The following PEX14 variants were observed in gnomAD, a reference collection of about 807,000 sequenced individuals.
The protein encoded by PEX14 is peroxisomal biogenesis factor 14.
PEX14 carries 15 observed loss-of-function variants against 49.5 expected under a neutral mutation model. That is an observed-to-expected ratio of 0.30 (90% CI 0.20 to 0.47). The LOEUF (loss-of-function observed/expected upper bound fraction) is 0.47, where lower values mean the gene tolerates loss of function less well. Among genes scored for constraint, PEX14 ranks in the 20% least tolerant of loss-of-function variants. The probability of loss-of-function intolerance (pLI) is 1.00; values close to 1 mark genes in which losing one functional copy is unlikely to be tolerated. For synonymous variants in PEX14, 210 were observed against 212.7 expected (o/e 0.99, Z 0.11); for missense variants, 398 against 494.8 (o/e 0.80, Z 1.86).
At chr1:10,481,237 A>C (rs544072068) in intron 1 of PEX14, among the ~76,000 whole-genome samples, 1 of 150,506 alleles carries the variant, frequency 6.6e-6, no homozygotes, top group East Asian at 2.0e-4. Flanking sequence ...TCCTGGGTTC[A>C]AGCAATTCTC....
intron 2 of PEX14, among the ~76,000 whole-genome samples, chr1:10,520,153 T>TTTTTTTG (rs1553185426): frequency 6.5e-5 from 6 of 91,914 alleles, no homozygotes; most frequent in Non-Finnish European, 1.4e-4. Flanking sequence ...TTCTTCTTTT[T>TTTTTTTG]TTTTTTTTTG....
At chr1:10,550,695 T>C (rs1639309445) in intron 3 of PEX14, among the ~76,000 whole-genome samples, 1 of 152,206 alleles carries the variant, frequency 6.6e-6, no homozygotes. Flanking sequence ...CCTCAAAAAG[T>C]GTAAACATGG....
In PEX14 at chr1:10,629,608, G is replaced by C; in HGVS notation, c.755G>C (p.Ser252Thr). 1 of 1,614,028 alleles carries C rather than the reference G, an allele frequency of 6.2e-7. No homozygotes were observed. Reference protein sequence around the residue: ...QIPVKSPSPSSPAAVNHHSSS... With the variant: ...QIPVKSPSPSTPAAVNHHSSS... ...CCAGTCAAGTCACCGTCACCCTCCA[G>C]CCCTGCGGCCGTGAACCACCACAGC... Residue 252 changes from serine to threonine, a missense_variant, in exon 9 of 9, where the codon AGC becomes ACC. Coordinates refer to ENST00000356607, the MANE Select transcript of PEX14 (RefSeq NM_004565.3). The surrounding 1 kb of genome is among the most constrained non-coding windows in gnomAD (Gnocchi z 8.5).
chr1:10,582,906 ATATTTT>A (rs1243557309), intron 3 of PEX14, among the ~76,000 whole-genome samples: 2 of 151,720 alleles, frequency 1.3e-5, no homozygotes, highest in Admixed American at 6.6e-5. Flanking sequence ...GCTAATTTCT[ATATTTT>A]TATTAGGGAC....
chr1:10,601,282 A>AAAAG (rs1418330500), intron 4 of PEX14, among the ~76,000 whole-genome samples: 2 of 151,868 alleles, frequency 1.3e-5, no homozygotes, highest in African/African-American at 4.8e-5. Context: ...AAAAAAAAAA[A>AAAAG]AAGTGTTAGA....
In PEX14 at chr1:10,512,924, C is replaced by T. The variant is rs144988561; in HGVS notation, c.84+17603C>T. On this transcript the variant is annotated intron_variant, in intron 2 of 8. Transcript: ENST00000356607. This position sits in a 1 kb window ranked among gnomAD's most constrained non-coding sequence, Gnocchi z 4.6. Reference sequence around the variant, plus strand: ...GTGTTAGCTGGGATGGTCTGGATCTCGTGACCTCGTGATCCACCCACCTTG... The same window carrying T: ...GTGTTAGCTGGGATGGTCTGGATCTTGTGACCTCGTGATCCACCCACCTTG... Among the ~76,000 whole-genome samples, 796 of 152,226 alleles carry T rather than the reference C, an allele frequency of 5.2e-3. 8 individuals carry two copies. The highest frequency in any genetic ancestry group is 0.018 in the African/African-American group (757 of 41,526).
At chr1:10,534,417 T>G (rs1038863306) in intron 2 of PEX14, among the ~76,000 whole-genome samples, 2 of 152,074 alleles carry the variant, frequency 1.3e-5, no homozygotes, top group Non-Finnish European at 2.9e-5. Context: ...TAGCTCCTTG[T>G]GTACTGTTGC....
chr1:10,626,072 A>C (rs1438150411), intron 7 of PEX14, among the ~76,000 whole-genome samples: 1 of 152,252 alleles, frequency 6.6e-6, no homozygotes, highest in African/African-American at 2.4e-5. Context: ...GCACTGTAAA[A>C]AATTAAAAAG....
intron 1 of PEX14, among the ~76,000 whole-genome samples, chr1:10,485,823 TTGG>T (rs1285446897): frequency 6.6e-6 from 1 of 150,978 alleles, no homozygotes. Flanking sequence ...TGGCGTGATC[TTGG>T]CGCACTGCAA....
At chr1:10,601,419 G>C (rs1424420630) in intron 4 of PEX14, among the ~76,000 whole-genome samples, 1 of 152,132 alleles carries the variant, frequency 6.6e-6, no homozygotes, top group East Asian at 1.9e-4. Context: ...AGCTAGGCAG[G>C]TGTGATCTTG....
At chr1:10,530,970 G>T (rs1294157409) in intron 2 of PEX14, among the ~76,000 whole-genome samples, 1 of 152,040 alleles carries the variant, frequency 6.6e-6, no homozygotes, top group African/African-American at 2.4e-5. Context: ...GGATATGTTC[G>T]TGGAATGTGG....
intron 1 of PEX14, among the ~76,000 whole-genome samples, chr1:10,479,489 T>C (rs1340166365): frequency 6.6e-6 from 1 of 152,190 alleles, no homozygotes; most frequent in East Asian, 1.9e-4. Flanking sequence ...GTGTACACGT[T>C]GGAGCCCGTA....
intron 3 of PEX14, among the ~76,000 whole-genome samples, chr1:10,537,341 A>ACACCCCCCCC (rs1638840260): frequency 3.5e-5 from 1 of 28,430 alleles, no homozygotes; most frequent in Non-Finnish European, 6.3e-5. Flanking sequence ...TTGTGCCAGC[A>ACACCCCCCCC]CCCCCCCCCC....
intron 3 of PEX14, among the ~76,000 whole-genome samples, chr1:10,585,022 C>A (rs1203214815): frequency 6.6e-6 from 1 of 152,008 alleles, no homozygotes; most frequent in Non-Finnish European, 1.5e-5. Flanking sequence ...TAAAATTTCT[C>A]ATTTATATCA....
intron 3 of PEX14, among the ~76,000 whole-genome samples, chr1:10,562,185 T>A (rs1639670143): frequency 6.6e-6 from 1 of 152,162 alleles, no homozygotes; most frequent in South Asian, 2.1e-4. Flanking sequence ...ATTACAGGCA[T>A]GAGTCATGAG....
At chr1:10,611,495 T>G (rs1641276536) in intron 4 of PEX14, among the ~76,000 whole-genome samples, 1 of 152,246 alleles carries the variant, frequency 6.6e-6, no homozygotes, top group Non-Finnish European at 1.5e-5. Context: ...ACTTATACTT[T>G]CATTTCCTAG....
At chr1:10,513,573 C>T (rs1012742799) in intron 2 of PEX14, among the ~76,000 whole-genome samples, 1 of 152,192 alleles carries the variant, frequency 6.6e-6, no homozygotes, top group Non-Finnish European at 1.5e-5. Flanking sequence ...CCTCTTGGTT[C>T]TCTACCTAAG....
chr1:10,591,610 C>T lies in PEX14; in HGVS notation c.170-7628C>T, dbSNP rs76393320. Among the ~76,000 whole-genome samples, 919 of 150,618 alleles carry T rather than the reference C, an allele frequency of 6.1e-3. 11 individuals are homozygous for T. The highest frequency in any genetic ancestry group is 0.021 in the African/African-American group (870 of 40,876). ...ATAACCAGTGTTACCAGTTTCCTGT[C>T]CTCCTTTTCTTTCAGGTATACACAC... On this transcript the variant is annotated intron_variant, in intron 3 of 8. Transcript: ENST00000356607.
rs1640867352 is a variant in PEX14 at position 10,597,669 on chromosome 1, G to A, written c.170-1569G>A. Among the ~76,000 whole-genome samples, 2 of 152,204 alleles carry A rather than the reference G, an allele frequency of 1.3e-5. No individual in the cohort carries two copies. The highest frequency in any genetic ancestry group is 4.8e-5 in the African/African-American group (2 of 41,442). On this transcript the variant is annotated intron_variant, in intron 3 of 8. Coordinates refer to ENST00000356607, the MANE Select transcript of PEX14 (RefSeq NM_004565.3). This position sits in a 1 kb window ranked among gnomAD's most constrained non-coding sequence, Gnocchi z 5.7. The stretch of plus-strand genomic sequence containing the variant: ...TCTGTTGAGAGCATGGTGCTATCAG[G>A]GCAACCCGGTGGCTCTTCAGACTTC...
Sources: gnomAD v4.1 joint callset for allele counts (sites outside exome capture counted in the v4.1 genomes callset) on GRCh38, gnomAD v4.1.1 for gene constraint, Gnocchi (gnomAD v3.1) non-coding constraint, MANE v1.5 for transcripts, NCBI Gene and HGNC (gene_info 2026-07-23, HGNC 2026-07-21) for gene names.